AP2B1: variants seen among roughly 807,000 people sequenced by gnomAD.
AP2B1 encodes the protein AP-2 complex subunit beta.
A neutral mutation model predicts 102.0 loss-of-function variants in AP2B1; 23 were observed. The observed-to-expected ratio is 0.23, with a 90% CI of 0.16 to 0.32. The LOEUF is 0.32. AP2B1 is among the 10% of genes least tolerant of loss of function. The probability of loss-of-function intolerance (pLI) is 1.00; values close to 1 mark genes in which losing one functional copy is unlikely to be tolerated. For missense variants in AP2B1, 541 were observed against 1,157.4 expected, an observed-to-expected ratio of 0.47 and a Z score of 7.73; for synonymous variants, 381 against 421.2, an observed-to-expected ratio of 0.90 and a Z score of 1.17.
At chr17:35,630,691 T>A (rs1464548870) in intron 9 of AP2B1, among the ~76,000 whole-genome samples, 1 of 152,234 alleles carries the variant, frequency 6.6e-6, no homozygotes, top group African/African-American at 2.4e-5. Context: ...CTATTGTGAC[T>A]AATGGAAAGG....
At chr17:35,587,898 G>GTT (rs2072948941) in intron 1 of AP2B1, 1 of 152,138 alleles carries the variant, frequency 6.6e-6, no homozygotes, top group South Asian at 2.1e-4. Context: ...TTGAGGGTAA[G>GTT]AGACAACCTC....
chr17:35,632,577 T>C lies in AP2B1; in HGVS notation c.1156-3764T>C, dbSNP rs533071463. On this transcript the variant is annotated intron_variant, in intron 9 of 21. Coordinates refer to ENST00000610402, the MANE Select transcript of AP2B1 (RefSeq NM_001030006.2). Reference sequence around the variant, plus strand: ...TGTCTTTATCATATACTGAATTTTGTATGTATTTCTGTTTCTGGACTTTTT... The same window carrying C: ...TGTCTTTATCATATACTGAATTTTGCATGTATTTCTGTTTCTGGACTTTTT... 2.0e-5 allele frequency among the ~76,000 whole-genome samples: 3 copies of C among 152,266 alleles called. No individual in the cohort carries two copies. In the East Asian group the frequency reaches 5.8e-4, roughly 29 times the overall value.
chr17:35,623,731 A>G (rs2074245007), intron 5 of AP2B1, among the ~76,000 whole-genome samples: 1 of 152,248 alleles, frequency 6.6e-6, no homozygotes, highest in South Asian at 2.1e-4. Context: ...TTATGGTAAT[A>G]TAACCAGCCA....
chr17:35,704,089 A>G (rs1198237679), intron 18 of AP2B1, among the ~76,000 whole-genome samples: 1 of 152,182 alleles, frequency 6.6e-6, no homozygotes, highest in Non-Finnish European at 1.5e-5. Context: ...CAACAATATC[A>G]TGCTCTTTAA....
chr17:35,682,541 ACCAT>A (rs964933103), intron 17 of AP2B1, among the ~76,000 whole-genome samples, 150 bp from the exon 18 acceptor site: 3 of 151,686 alleles, frequency 2.0e-5, no homozygotes, highest in African/African-American at 7.3e-5. Context: ...ACAGGGTTTC[ACCAT>A]GTTGGCCAGG....
At chr17:35,716,444 C>T (rs1555589929) in intron 20 of AP2B1, among the ~76,000 whole-genome samples, 1 of 152,130 alleles carries the variant, frequency 6.6e-6, no homozygotes, top group Non-Finnish European at 1.5e-5. Context: ...ACTATGAAAA[C>T]TTCTGTCATA....
At chr17:35,677,149 C>A (rs977197706) in intron 17 of AP2B1, among the ~76,000 whole-genome samples, 2 of 152,092 alleles carry the variant, frequency 1.3e-5, no homozygotes, top group African/African-American at 4.8e-5. Context: ...ACCACCACAC[C>A]CAGCTAATTT....
chr17:35,655,773 T>A (rs1335622796), intron 13 of AP2B1, among the ~76,000 whole-genome samples: 1 of 152,236 alleles, frequency 6.6e-6, no homozygotes, highest in Non-Finnish European at 1.5e-5. Context: ...ATGAGTTCCA[T>A]ACATCTATCT....
intron 13 of AP2B1, among the ~76,000 whole-genome samples, chr17:35,655,217 CT>C (rs2075188383): frequency 6.6e-6 from 1 of 152,122 alleles, no homozygotes; most frequent in Admixed American, 6.5e-5. Context: ...GATTAGCTCG[CT>C]AATCTTAGCA....
chr17:35,596,921 A>T, intron 2 of AP2B1: 1 of 707,424 alleles, frequency 1.4e-6, no homozygotes. Flanking sequence ...GATAACCCCG[A>T]TGCCCTATGC....
At chr17:35,714,436 GTGAC>G (rs2076511745) in intron 20 of AP2B1, among the ~76,000 whole-genome samples, 1 of 152,176 alleles carries the variant, frequency 6.6e-6, no homozygotes, top group East Asian at 2.0e-4. Flanking sequence ...CAGAGGATGT[GTGAC>G]CTTAGCTAAA....
chr17:35,656,757 C>A (rs1178587642), intron 13 of AP2B1, among the ~76,000 whole-genome samples: 2 of 151,988 alleles, frequency 1.3e-5, no homozygotes, highest in Non-Finnish European at 2.9e-5. Flanking sequence ...CGGTGGTGGG[C>A]GCCTGTAGTC....
chr17:35,605,270 A>T (rs1242607425), intron 3 of AP2B1, among the ~76,000 whole-genome samples: 1 of 142,946 alleles, frequency 7.0e-6, no homozygotes, highest in South Asian at 2.2e-4. Context: ...TTTTAGACAC[A>T]GGAGTCTCGC....
At chr17:35,718,653 G>C (rs2085258649) in intron 21 of AP2B1, among the ~76,000 whole-genome samples, 1 of 148,162 alleles carries the variant, frequency 6.7e-6, no homozygotes, top group Non-Finnish European at 1.5e-5. Context: ...TTCAAGACCA[G>C]CCTGGGTAAC....
chr17:35,669,268 C>T (rs962770634), intron 14 of AP2B1, among the ~76,000 whole-genome samples: 1 of 151,800 alleles, frequency 6.6e-6, no homozygotes, highest in Non-Finnish European at 1.5e-5. Flanking sequence ...CTCAGTCTCC[C>T]GAGTAGCTGG....
intron 18 of AP2B1, among the ~76,000 whole-genome samples, chr17:35,696,921 G>A (rs1190171582): frequency 1.3e-5 from 2 of 152,246 alleles, no homozygotes. Flanking sequence ...CTGGCACACA[G>A]TAGGTGCTAG....
chr17:35,675,706 G>A (rs374638667), intron 17 of AP2B1, among the ~76,000 whole-genome samples: 43 of 150,342 alleles, frequency 2.9e-4, no homozygotes, highest in African/African-American at 1.1e-3. Context: ...CAATCTCGGC[G>A]GCTCACTGCA....
At chr17:35,680,418 G>A (rs2075792397) in intron 17 of AP2B1, among the ~76,000 whole-genome samples, 1 of 151,958 alleles carries the variant, frequency 6.6e-6, no homozygotes, top group African/African-American at 2.4e-5. Context: ...GCATGGTGCA[G>A]TTGAGGCTCA....
In AP2B1 at chr17:35,674,302, A is replaced by G. The variant is rs945947297; in HGVS notation, c.2305A>G (p.Ile769Val). 6.2e-6 allele frequency: 10 copies of G among 1,614,042 alleles called. No individual in the cohort carries two copies. The highest frequency in any genetic ancestry group is 7.6e-6 in the Non-Finnish European group (9 of 1,180,026). ...KALQHMTDFA[I>V]QFNKNSFGVI... ...TCTGCAGCACATGACAGATTTTGCAATCCAGTTTAACAAAAATAGGTAAGC... is the reference window on the plus strand; with the variant it reads ...TCTGCAGCACATGACAGATTTTGCAGTCCAGTTTAACAAAAATAGGTAAGC... The change falls in exon 17 of 22, where the codon ATC (isoleucine) becomes GTC (valine). Residue 769 changes from isoleucine to valine, a missense_variant. By Grantham distance (29) the Ile-to-Val change is conservative (BLOSUM62 3). Coordinates refer to ENST00000610402, the MANE Select transcript of AP2B1 (RefSeq NM_001030006.2).
Sources: gnomAD v4.1 joint callset for allele counts (sites outside exome capture counted in the v4.1 genomes callset) on GRCh38, gnomAD v4.1.1 for gene constraint, MANE v1.5 for transcripts, NCBI Gene and HGNC (gene_info 2026-07-23, HGNC 2026-07-21) for gene names.